Variants in BMP6 observed in about 807,000 individuals in gnomAD.
BMP6 encodes the protein VG-1-R.
Under a neutral mutation model 54.1 loss-of-function variants are expected in BMP6, and 17 were observed. The observed-to-expected ratio is 0.31, with a 90% CI of 0.22 to 0.47. The LOEUF is 0.47. BMP6 is among the 20% of genes least tolerant of loss of function. The pLI is 1.00. For synonymous variants in BMP6, 328 were observed against 291.2 expected, an observed-to-expected ratio of 1.13 and a Z score of -1.28; for missense variants, 720 against 690.4, an observed-to-expected ratio of 1.04 and a Z score of -0.48.
intron 4 of BMP6, 150 bp downstream of exon 4, chr6:7,862,648 T>C: frequency 1.9e-6 from 2 of 1,064,030 alleles, no homozygotes; most frequent in Non-Finnish European, 2.7e-6. Context: ...CCTTGTACAG[T>C]CGCAGAACAT....
At chr6:7,730,152 C>T (rs1761826645) in intron 1 of BMP6, among the ~76,000 whole-genome samples, 2 of 152,162 alleles carry the variant, frequency 1.3e-5, no homozygotes, top group Admixed American at 1.3e-4. Context: ...CCAAATTCCC[C>T]TTATTCCTTG....
At chr6:7,850,825 A>G (rs115677816) in intron 2 of BMP6, among the ~76,000 whole-genome samples, 138 of 152,362 alleles carry the variant, frequency 9.1e-4, no homozygotes, top group African/African-American at 3.3e-3. Context: ...AGTAGGTCAC[A>G]TAGACCAGAT....
chr6:7,742,837 TTTAAAA>T (rs1757288266), intron 1 of BMP6, among the ~76,000 whole-genome samples: 2 of 152,262 alleles, frequency 1.3e-5, no homozygotes, highest in South Asian at 2.1e-4. Flanking sequence ...ATAAAAGTTG[TTTAAAA>T]TTAAACAACC....
chr6:7,808,436 A>G (rs1273677475), intron 1 of BMP6, among the ~76,000 whole-genome samples: 1 of 152,088 alleles, frequency 6.6e-6, no homozygotes, highest in Non-Finnish European at 1.5e-5. Context: ...ACTTAACAAA[A>G]CCAATCGCCT....
intron 3 of BMP6, among the ~76,000 whole-genome samples, chr6:7,862,020 G>C (rs534118573): frequency 1.3e-3 from 204 of 152,318 alleles, no homozygotes; most frequent in Non-Finnish European, 2.6e-3. Flanking sequence ...CACCAGGGAG[G>C]GCAGGGTAAC....
In BMP6 at chr6:7,727,426, G is replaced by A. The variant is rs1761754695; in HGVS notation, c.471G>A (p.Arg157=). The A allele has an allele frequency of 6.2e-7, 1 of 1,606,452 alleles. No homozygotes were observed. The highest frequency in any genetic ancestry group is 8.5e-7 in the Non-Finnish European group (1 of 1,177,748). Reference sequence around the variant, plus strand: ...AGGACGGGGCGTCGGAGGGGGAGAGGCAGCAGTCCTGGCCCCACGAAGCAG... The same window carrying A: ...AGGACGGGGCGTCGGAGGGGGAGAGACAGCAGTCCTGGCCCCACGAAGCAG... ...NDEDGASEGE[R]QQSWPHEAAS... Residue 157 remains arginine (R), a synonymous_variant, in exon 1 of 7, where the codon AGG becomes AGA. Transcript: ENST00000283147.
intron 1 of BMP6, among the ~76,000 whole-genome samples, chr6:7,751,398 T>G (rs1370822717): frequency 6.6e-6 from 1 of 150,644 alleles, no homozygotes; most frequent in Non-Finnish European, 1.5e-5. Context: ...AGCAATTTTG[T>G]TAAGAAATGA....
intron 1 of BMP6, among the ~76,000 whole-genome samples, chr6:7,742,045 A>C (rs1757274309): frequency 6.6e-6 from 1 of 152,228 alleles, no homozygotes; most frequent in Admixed American, 6.5e-5. Context: ...CCATTCTCTC[A>C]TTACAAATAA....
At chr6:7,877,627 GAA>G (rs370085398) in intron 4 of BMP6, among the ~76,000 whole-genome samples, 1 of 137,902 alleles carries the variant, frequency 7.3e-6, no homozygotes, top group South Asian at 2.3e-4. Context: ...TGTCTCAAAA[GAA>G]AAAAAAAAAA....
At chr6:7,861,929 T>C (rs1456821518) in intron 3 of BMP6, among the ~76,000 whole-genome samples, 2 of 152,202 alleles carry the variant, frequency 1.3e-5, no homozygotes, top group Non-Finnish European at 2.9e-5. Flanking sequence ...GTTTAAATCC[T>C]GACGGATGAA....
chr6:7,800,082 GTGTGT>G (rs1758247664), intron 1 of BMP6, among the ~76,000 whole-genome samples: 18 of 38,096 alleles, frequency 4.7e-4, no homozygotes, highest in African/African-American at 2.4e-3. Context: ...AGGAAGGGGT[GTGTGT>G]GTGTGTGTGT....
intron 1 of BMP6, among the ~76,000 whole-genome samples, chr6:7,793,825 T>C (rs1356776564): frequency 6.6e-6 from 1 of 152,184 alleles, no homozygotes. Context: ...ATTCCAGATA[T>C]CCACGGGCTG....
chr6:7,811,433 C>A (rs529494418), intron 1 of BMP6, among the ~76,000 whole-genome samples: 1 of 152,140 alleles, frequency 6.6e-6, no homozygotes, highest in Non-Finnish European at 1.5e-5. Context: ...AGGGATGTAG[C>A]GCTGGCATGG....
chr6:7,876,729 AT>A (rs1277400673), intron 4 of BMP6, among the ~76,000 whole-genome samples: 2 of 152,080 alleles, frequency 1.3e-5, no homozygotes, highest in Admixed American at 1.3e-4. Context: ...ATCTAATCTG[AT>A]TTCATTGTTA....
chr6:7,790,302 T>C (rs270400), intron 1 of BMP6, among the ~76,000 whole-genome samples: 131,695 of 151,850 alleles, frequency 0.87, 57,304 homozygotes, highest in African/African-American at 0.92. Flanking sequence ...ATCTCTTTAG[T>C]CCGGGAGTTT....
intron 1 of BMP6, among the ~76,000 whole-genome samples, chr6:7,776,483 G>A (rs1757862121): frequency 6.6e-6 from 1 of 152,204 alleles, no homozygotes; most frequent in Non-Finnish European, 1.5e-5. Flanking sequence ...CAAGTCATGT[G>A]CCCATTTCCA....
intron 1 of BMP6, among the ~76,000 whole-genome samples, chr6:7,800,202 C>G (rs1041540093): frequency 6.6e-6 from 1 of 151,490 alleles, no homozygotes; most frequent in Non-Finnish European, 1.5e-5. Flanking sequence ...TTACTGCAAT[C>G]CTTTATCTCA....
Position 7,727,381 on chromosome 6 carries a change from C to A in BMP6, c.426C>A (p.Ala142=). The change falls in exon 1 of 7, where the codon GCC becomes GCA. Residue 142 remains alanine (A), a synonymous_variant. Coordinates refer to ENST00000283147, the MANE Select transcript of BMP6 (RefSeq NM_001718.6). ...TCTTCATGCTGGATCTGTACAACGC[C>A]CTGTCCGCCGACAACGACGAGGACG... ...APLFMLDLYN[A]LSADNDEDGA... is the part of the protein sequence containing the mutation. The A allele has an allele frequency of 6.2e-7, 1 of 1,608,768 alleles. No homozygotes were observed. Among genetic ancestry groups the A allele is most frequent in the Non-Finnish European group, 8.5e-7 (1 of 1,178,134 alleles).
intron 1 of BMP6, among the ~76,000 whole-genome samples, chr6:7,804,607 C>T (rs114119823): frequency 6.6e-6 from 1 of 152,160 alleles, no homozygotes; most frequent in Admixed American, 6.5e-5. Flanking sequence ...GTCTTTTTCT[C>T]TTTCCCTATG....
Sources: gnomAD v4.1 joint callset for allele counts (sites outside exome capture counted in the v4.1 genomes callset) on GRCh38, gnomAD v4.1.1 for gene constraint, MANE v1.5 for transcripts, NCBI Gene and HGNC (gene_info 2026-07-23, HGNC 2026-07-21) for gene names.